The following CPSF6 variants were observed in gnomAD, a reference collection of about 807,000 sequenced individuals.
CPSF6 encodes the protein cleavage and polyadenylation specificity factor subunit 6.
Under a neutral mutation model 56.7 loss-of-function variants are expected in CPSF6, and 10 were observed. The observed-to-expected ratio is 0.18, with a 90% CI of 0.11 to 0.30. The LOEUF is 0.30. CPSF6 is among the 10% of genes least tolerant of loss of function. The pLI is 1.00. For synonymous variants in CPSF6, 248 were observed against 244.8 expected, an observed-to-expected ratio of 1.01 and a Z score of -0.12; for missense variants, 419 against 722.9, an observed-to-expected ratio of 0.58 and a Z score of 4.82.
chr12:69,255,881 G>C (rs1425574452), intron 3 of CPSF6, among the ~76,000 whole-genome samples: 1 of 152,168 alleles, frequency 6.6e-6, no homozygotes, highest in South Asian at 2.1e-4. Flanking sequence ...AGCCACCCTA[G>C]TGGGTATGGG....
In CPSF6 at chr12:69,259,570, T is replaced by C. The variant is rs540513969; in HGVS notation, c.1315+27T>C. Reference sequence around the variant, plus strand: ...TTTGTGTATTTCTTGTATTAATATTTCTTATTTATGTTATTAGGAATGACC... The same window carrying C: ...TTTGTGTATTTCTTGTATTAATATTCCTTATTTATGTTATTAGGAATGACC... On this transcript the variant is annotated intron_variant, in intron 7 of 9. Coordinates refer to ENST00000435070, the MANE Select transcript of CPSF6 (RefSeq NM_007007.3). The C allele has an allele frequency of 2.5e-6, 4 of 1,578,282 alleles. No individual in the cohort carries two copies. The South Asian group carries it at 3.5e-5, about 14-fold the overall frequency.
chr12:69,239,610 A>AGGTGGC lies in CPSF6; in HGVS notation c.-35_-34insTGGCGG. On this transcript the variant is annotated 5_prime_UTR_variant, in exon 1 of 10. Coordinates refer to ENST00000435070, the MANE Select transcript of CPSF6 (RefSeq NM_007007.3). ...CTGCCGCGGCGGGCAGACCTGCAGG[A>AGGTGGC]GGCGGCGGCGGCGGCGGCGGCCGAG... 6.8e-7 allele frequency: 1 copy of AGGTGGC among 1,472,204 alleles called. No homozygotes were observed. Among genetic ancestry groups the AGGTGGC allele is most frequent in the Non-Finnish European group, 9.1e-7 (1 of 1,094,876 alleles). The allele number at this position is 1,472,204 out of a possible 1,614,324, so 91.2% of individuals were successfully genotyped here.
intron 9 of CPSF6, among the ~76,000 whole-genome samples, chr12:69,268,803 A>G (rs1352082314): frequency 6.6e-6 from 1 of 151,616 alleles, no homozygotes. Context: ...GAACTTTATC[A>G]TTGTAGATTC....
At position 69,269,508 on chromosome 12, in the gene CPSF6, A is replaced by G. The variant is rs572950444; in HGVS notation, c.*4-4A>G. ...TCTACATCACAAATTTTGACACATT[A>G]CAGCTGAAGGAAGAGGATCACCTTC... On this transcript the variant is annotated splice_polypyrimidine_tract_variant and splice_region_variant and intron_variant, in intron 9 of 9. Coordinates refer to ENST00000435070, the MANE Select transcript of CPSF6 (RefSeq NM_007007.3). 1 of 454,636 alleles carries G rather than the reference A, an allele frequency of 2.2e-6. No individual in the cohort carries two copies. The highest frequency in any genetic ancestry group is 7.0e-5 in the East Asian group (1 of 14,336). 28.2% of individuals were successfully genotyped at this position (454,636 alleles called of 1,614,324 possible). A position where few individuals can be genotyped will look rare whatever the true frequency, so the allele number is the denominator to read the frequency against.
At chr12:69,256,001 A>G (rs1872493025) in intron 3 of CPSF6, among the ~76,000 whole-genome samples, 1 of 152,236 alleles carries the variant, frequency 6.6e-6, no homozygotes, top group Non-Finnish European at 1.5e-5. Flanking sequence ...ACTGATGGAT[A>G]CATTTCTTTT....
intron 1 of CPSF6, among the ~76,000 whole-genome samples, chr12:69,240,956 C>T (rs1265255022): frequency 6.6e-6 from 1 of 152,046 alleles, no homozygotes; most frequent in Non-Finnish European, 1.5e-5. Context: ...TTTGTATTTC[C>T]CAGGTCCCTA....
intron 6 of CPSF6, 97 bp downstream of exon 6, chr12:69,259,191 C>T (rs1050567551): frequency 1.6e-5 from 22 of 1,376,500 alleles, no homozygotes; most frequent in East Asian, 1.5e-4. Flanking sequence ...GTTATTTCTG[C>T]CTTCCAAGAA....
intron 1 of CPSF6, among the ~76,000 whole-genome samples, chr12:69,246,806 A>C (rs563009532): frequency 6.6e-5 from 10 of 152,286 alleles, no homozygotes; most frequent in African/African-American, 2.4e-4. Context: ...ATAGTATCAT[A>C]TAATGCACGA....
chr12:69,265,501 A>G (rs1473390246), intron 9 of CPSF6, among the ~76,000 whole-genome samples: 2 of 149,610 alleles, frequency 1.3e-5, no homozygotes, highest in African/African-American at 4.9e-5. Context: ...TCCTCTCTCT[A>G]TTTTATGAGG....
intron 1 of CPSF6, among the ~76,000 whole-genome samples, chr12:69,249,088 A>G (rs1247866483): frequency 7.6e-5 from 11 of 144,738 alleles, no homozygotes; most frequent in South Asian, 4.4e-4. Flanking sequence ...GTGAAACCCC[A>G]TCTCTACAAA....
intron 1 of CPSF6, among the ~76,000 whole-genome samples, chr12:69,250,231 A>G (rs1048118678): frequency 1.3e-5 from 2 of 152,028 alleles, no homozygotes; most frequent in Admixed American, 1.3e-4. Context: ...ACTATAGAAA[A>G]TAATAACTAT....
rs1319782137 is a variant in CPSF6, at chr12:69,272,992, T to A, written c.*3484T>A. 1 of 252,522 alleles carries A rather than the reference T, an allele frequency of 4.0e-6. No homozygotes were observed. Among genetic ancestry groups the A allele is most frequent in the Non-Finnish European group, 8.2e-6 (1 of 121,678 alleles). 15.6% of individuals were successfully genotyped at this position (252,522 alleles called of 1,614,324 possible). On this transcript the variant is annotated 3_prime_UTR_variant, in exon 10 of 10. Transcript: ENST00000435070. ...AGAAGCCTTAGACTGATTTTTTCAA[T>A]AAATATTCAACCAAAAATTATAAAT...
At chr12:69,251,392 C>A in intron 2 of CPSF6, 54 bp downstream of exon 2, 1 of 1,139,520 alleles carries the variant, frequency 8.8e-7, no homozygotes, top group Non-Finnish European at 1.3e-6. Context: ...TTGAACTGCT[C>A]TAGTAATTAA....
chr12:69,269,452 G>A (rs1194125474), intron 9 of CPSF6, 60 bp from the exon 10 acceptor site: 43 of 448,754 alleles, frequency 9.6e-5, no homozygotes, highest in Non-Finnish European at 1.7e-4. Flanking sequence ...TTAAGCCAGC[G>A]TTTTTCTGTG....
Position 69,258,469 on chromosome 12 carries a change from A to T in CPSF6, c.695-121A>T, listed in dbSNP as rs1043429230. ...AGTGTAACATTTACCATACGGGTTT[A>T]ATTTAAAGACAAAGACTTGGTGTAT... On this transcript the variant is annotated intron_variant, in intron 5 of 9. Transcript: ENST00000435070. The surrounding 1 kb of genome is among the most constrained non-coding windows in gnomAD (Gnocchi z 4.2). 2 of 1,020,476 alleles carry T rather than the reference A, an allele frequency of 2.0e-6. No individual in the cohort carries two copies. Among genetic ancestry groups the T allele is most frequent in the Non-Finnish European group, 1.4e-6 (1 of 721,994 alleles). The allele number at this position is 1,020,476 out of a possible 1,614,324, so 63.2% of individuals were successfully genotyped here.
intron 3 of CPSF6, among the ~76,000 whole-genome samples, chr12:69,253,602 TA>T (rs955995948): frequency 2.6e-5 from 4 of 152,098 alleles, no homozygotes; most frequent in African/African-American, 9.7e-5. Flanking sequence ...AGTAAGAAAA[TA>T]AAATACCACT....
At chr12:69,256,588 C>G in intron 3 of CPSF6, 109 bp from the exon 4 acceptor site, 1 of 1,111,586 alleles carries the variant, frequency 9.0e-7, no homozygotes, top group Non-Finnish European at 1.3e-6. Context: ...GCCACTGTGC[C>G]CAGCTGTTGT....
At position 69,239,671 on chromosome 12, in the gene CPSF6, G is replaced by A. The variant is rs748320240; in HGVS notation, c.25G>A (p.Asp9Asn). The change falls in exon 1 of 10, where the codon GAC (aspartate) becomes AAC (asparagine). Residue 9 changes from aspartate (D) to asparagine (N), a missense_variant. This residue lies in a region of CPSF6 where 125 missense variants were observed against 216.4 expected (regional missense o/e 0.58). Transcript: ENST00000435070. The part of the protein sequence containing the change: MADGVDHI[D>N]IYADVGEEFN... Reference sequence around the variant, plus strand: ...GATGGCGGACGGCGTGGACCACATAGACATTTACGCGGATGTCGGCGAAGA... The same window carrying A: ...GATGGCGGACGGCGTGGACCACATAAACATTTACGCGGATGTCGGCGAAGA... The A allele has an allele frequency of 6.3e-7, 1 of 1,591,856 alleles. No individual in the cohort carries two copies.
At chr12:69,266,974 A>G (rs1051782385) in intron 9 of CPSF6, among the ~76,000 whole-genome samples, 1 of 152,098 alleles carries the variant, frequency 6.6e-6, no homozygotes, top group Non-Finnish European at 1.5e-5. Context: ...TGTTCTAGTC[A>G]ACACAAGAAG....
Sources: gnomAD v4.1 joint callset for allele counts (sites outside exome capture counted in the v4.1 genomes callset) on GRCh38, gnomAD v4.1.1 for gene constraint, gnomAD v4.1.1 regional missense constraint, Gnocchi (gnomAD v3.1) non-coding constraint, MANE v1.5 for transcripts, NCBI Gene and HGNC (gene_info 2026-07-23, HGNC 2026-07-21) for gene names.